MAP3K15: variants seen among roughly 807,000 people sequenced by gnomAD.
The protein encoded by MAP3K15 is MAPK/ERK kinase kinase 15.
Under a neutral mutation model 99.5 loss-of-function variants are expected in MAP3K15, and 124 were observed. The observed-to-expected ratio is 1.25, with a 90% CI of 1.08 to 1.45. MAP3K15 has a LOEUF of 1.45. MAP3K15 is among the 40% of genes most tolerant of loss of function. MAP3K15 has a pLI of 0.00. For missense variants in MAP3K15, 1,242 were observed against 1,079.7 expected, an observed-to-expected ratio of 1.15 and a Z score of -2.11; for synonymous variants, 494 against 439.6, an observed-to-expected ratio of 1.12 and a Z score of -1.55.
intron 3 of MAP3K15, among the ~76,000 whole-genome samples, chrX:19,482,938 C>T (rs1327769103): frequency 1.8e-5 from 2 of 111,000 alleles, no homozygotes; most frequent in African/African-American, 6.6e-5. Context: ...CTCGGCATCC[C>T]TGCAAAGCAA....
At chrX:19,370,930 C>T (rs773277747) in intron 24 of MAP3K15, 29 bp downstream of exon 24, 1 of 1,075,460 alleles carries the variant, frequency 9.3e-7, no homozygotes, top group Non-Finnish European at 1.3e-6. Context: ...CGGCCTAAAG[C>T]TGACCTTGAC....
At chrX:19,392,662 C>T (rs1376125422) in intron 16 of MAP3K15, among the ~76,000 whole-genome samples, 189 bp from the exon 17 acceptor site, 3 of 111,828 alleles carry the variant, frequency 2.7e-5, no homozygotes, top group African/African-American at 6.5e-5. Flanking sequence ...AGCAATTGAG[C>T]ACATGAACCT....
intron 5 of MAP3K15, among the ~76,000 whole-genome samples, chrX:19,457,945 G>C (rs1417660239): frequency 2.7e-5 from 3 of 111,837 alleles, no homozygotes; most frequent in Non-Finnish European, 3.8e-5. Context: ...TGCCAAAAAA[G>C]TCCTTGGGTT....
chrX:19,422,763 C>G (rs1431304462), intron 9 of MAP3K15, among the ~76,000 whole-genome samples: 4 of 111,760 alleles, frequency 3.6e-5, no homozygotes, highest in South Asian at 3.8e-4. Flanking sequence ...CAATAGCAAA[C>G]ACTTGGAACC....
chrX:19,467,333 A>G (rs1462686050), intron 3 of MAP3K15, among the ~76,000 whole-genome samples: 4 of 110,506 alleles, frequency 3.6e-5, no homozygotes, highest in African/African-American at 9.9e-5. Flanking sequence ...GTTTCTCCTT[A>G]GAAGACCAGG....
At chrX:19,405,117 G>A (rs2063638115) in intron 13 of MAP3K15, among the ~76,000 whole-genome samples, 2 of 110,468 alleles carry the variant, frequency 1.8e-5, no homozygotes, top group Non-Finnish European at 3.8e-5. Context: ...AATCATATCT[G>A]ATAAAGAACT....
intron 19 of MAP3K15, among the ~76,000 whole-genome samples, chrX:19,375,059 C>T: frequency 8.9e-6 from 1 of 112,267 alleles, no homozygotes; most frequent in Non-Finnish European, 1.9e-5. Context: ...TCAGGCCACC[C>T]TGCTCCCCCA....
intron 6 of MAP3K15, among the ~76,000 whole-genome samples, chrX:19,452,098 GAGA>G (rs1192793491): frequency 0.33 from 2 of 6 alleles, no homozygotes; most frequent in South Asian, 0.5. Flanking sequence ...GAGAAGAGAA[GAGA>G]AGAGAAGAGA....
chrX:19,421,856 A>G (rs1282300959), intron 9 of MAP3K15, among the ~76,000 whole-genome samples: 1 of 109,791 alleles, frequency 9.1e-6, no homozygotes, highest in African/African-American at 3.4e-5. Context: ...AACAGAACAG[A>G]GCCCTCAGAA....
intron 6 of MAP3K15, among the ~76,000 whole-genome samples, chrX:19,456,433 G>C (rs1447718498): frequency 1.8e-5 from 2 of 112,344 alleles, no homozygotes; most frequent in African/African-American, 6.5e-5. Context: ...ACTCATCTAT[G>C]GAGACAGAGG....
intron 1 of MAP3K15, among the ~76,000 whole-genome samples, chrX:19,494,315 G>A (rs1980674086): frequency 9.0e-6 from 1 of 111,093 alleles, no homozygotes; most frequent in African/African-American, 3.3e-5. Flanking sequence ...AGAGAGAGGA[G>A]GAGGGAGAGA....
chrX:19,474,168 A>G (rs749895370), intron 3 of MAP3K15, among the ~76,000 whole-genome samples: 7 of 112,051 alleles, frequency 6.2e-5, no homozygotes, highest in Non-Finnish European at 1.1e-4. Flanking sequence ...AGGGCATGCT[A>G]ATTTATTCGT....
At chrX:19,452,068 G>A (rs1364564327) in intron 6 of MAP3K15, among the ~76,000 whole-genome samples, 1 of 7 alleles carries the variant, frequency 0.14, no homozygotes, top group African/African-American at 0.33. Context: ...GAGAAGAGAA[G>A]AGAAGAGAAG....
chrX:19,433,793 T>C (rs1379524655), intron 6 of MAP3K15, among the ~76,000 whole-genome samples: 4 of 112,379 alleles, frequency 3.6e-5, no homozygotes, highest in Non-Finnish European at 7.5e-5. Flanking sequence ...TTCTAGAATC[T>C]GTAATATGTA....
intron 3 of MAP3K15, among the ~76,000 whole-genome samples, chrX:19,471,501 A>G (rs1057173913): frequency 3.6e-5 from 4 of 111,272 alleles, no homozygotes; most frequent in African/African-American, 1.3e-4. Context: ...ACCTCAGGTG[A>G]TCCACCCACC....
At chrX:19,427,504 C>T (rs1317372062) in intron 7 of MAP3K15, among the ~76,000 whole-genome samples, 2 of 111,227 alleles carry the variant, frequency 1.8e-5, no homozygotes, top group Admixed American at 9.6e-5. Context: ...CAAAGTGAGG[C>T]CAGGGACAGG....
chrX:19,494,187 A>G (rs1489683803), intron 1 of MAP3K15, among the ~76,000 whole-genome samples: 1 of 111,187 alleles, frequency 9.0e-6, no homozygotes, highest in Non-Finnish European at 1.9e-5. Flanking sequence ...GATACCAGGC[A>G]TGGTGGCGTG....
At chrX:19,360,899 C>T (rs923800219) in intron 28 of MAP3K15, 66 bp from the exon 29 acceptor site, 1 of 834,399 alleles carries the variant, frequency 1.2e-6, no homozygotes, top group Admixed American at 3.0e-5. Context: ...AAACTGCAGT[C>T]CCTAATTTAA....
At chrX:19,403,026 T>C (rs1189283659) in intron 13 of MAP3K15, among the ~76,000 whole-genome samples, 3 of 111,385 alleles carry the variant, frequency 2.7e-5, no homozygotes, top group Non-Finnish European at 3.8e-5. Context: ...TGATTCTGTT[T>C]ATTTGTAGGT....
Sources: allele counts gnomAD v4.1 joint callset (sites outside exome capture counted in the v4.1 genomes callset), GRCh38; gene constraint gnomAD v4.1.1; transcripts MANE v1.5; gene names NCBI Gene and HGNC (gene_info 2026-07-23, HGNC 2026-07-21).